The following ANKHD1 variants were observed in gnomAD, a reference collection of about 807,000 sequenced individuals.
The protein encoded by ANKHD1 is ankyrin repeat and KH domain containing 1.
In ANKHD1, 31 loss-of-function variants were observed where a neutral mutation model predicts 230.5. The observed-to-expected ratio is 0.13, with a 90% confidence interval of 0.10 to 0.18. The LOEUF (loss-of-function observed/expected upper bound fraction) is 0.18, where lower values mean the gene tolerates loss of function less well. Ranked by LOEUF, ANKHD1 falls within the 10% of genes least tolerant of loss-of-function variation. The pLI is 1.00. For missense variants in ANKHD1, 2,256 were observed against 3,071.3 expected (o/e 0.73, Z 6.27); for synonymous variants, 1,074 against 1,117.6 (o/e 0.96, Z 0.78).
At chr5:140,472,491 G>A in intron 10 of ANKHD1, 1 of 1,290,282 alleles carries the variant, frequency 7.8e-7, no homozygotes, top group Non-Finnish European at 9.9e-7. Flanking sequence ...TGTTTCCTTA[G>A]TCTTCTTTCT....
rs752380688 is a variant in ANKHD1, at chr5:140,513,499, T to G, written c.4317+20T>G. The G allele has an allele frequency of 1.4e-5, 23 of 1,608,578 alleles. No individual in the cohort carries two copies. Among genetic ancestry groups the G allele is most frequent in the Non-Finnish European group, 1.8e-5 (21 of 1,177,426 alleles). On this transcript the variant is annotated intron_variant, in intron 24 of 33. Coordinates refer to ENST00000360839, the MANE Select transcript of ANKHD1 (RefSeq NM_017747.3). Reference sequence around the variant, plus strand: ...GAAAAGGTGAGTGGGAAAAATAATTTTCCTTTTTAGAAATTATTGAGGGTG... The same window carrying G: ...GAAAAGGTGAGTGGGAAAAATAATTGTCCTTTTTAGAAATTATTGAGGGTG...
At chr5:140,512,733 C>T (rs1752824585) in intron 22 of ANKHD1, 95 bp from the exon 23 acceptor site, 1 of 1,159,568 alleles carries the variant, frequency 8.6e-7, no homozygotes, top group Non-Finnish European at 1.2e-6. Context: ...TCAAGGGATT[C>T]CTTTGTAATT....
chr5:140,476,780 CATATT>C (rs1561779094), intron 10 of ANKHD1, among the ~76,000 whole-genome samples: 1 of 152,058 alleles, frequency 6.6e-6, no homozygotes, highest in Non-Finnish European at 1.5e-5. Flanking sequence ...ATTGATAAAA[CATATT>C]ATAAATACAA....
intron 10 of ANKHD1, chr5:140,472,305 G>A (rs1473091456): frequency 6.2e-7 from 1 of 1,613,258 alleles, no homozygotes; most frequent in African/African-American, 1.3e-5. Context: ...GGTGAGGGTG[G>A]CCTTTGATGC....
intron 1 of ANKHD1, among the ~76,000 whole-genome samples, chr5:140,433,061 C>G (rs920007923): frequency 1.3e-5 from 2 of 151,082 alleles, no homozygotes; most frequent in Non-Finnish European, 2.9e-5. Context: ...CCTTCCCCCC[C>G]CCAAAAAAAA....
At chr5:140,417,205 A>G (rs752133395) in intron 1 of ANKHD1, among the ~76,000 whole-genome samples, 25 of 151,966 alleles carry the variant, frequency 1.6e-4, no homozygotes, top group Non-Finnish European at 2.9e-4. Flanking sequence ...TCGTATATTG[A>G]TTAAATGCTA....
At chr5:140,431,274 G>C (rs1773024688) in intron 1 of ANKHD1, among the ~76,000 whole-genome samples, 1 of 152,086 alleles carries the variant, frequency 6.6e-6, no homozygotes, top group Admixed American at 6.5e-5. Flanking sequence ...TTTCCCACAA[G>C]TATTGTGGAT....
chr5:140,418,086 C>T (rs1771557499), intron 1 of ANKHD1, among the ~76,000 whole-genome samples: 2 of 151,734 alleles, frequency 1.3e-5, no homozygotes, highest in African/African-American at 4.8e-5. Flanking sequence ...AGGCGATCTG[C>T]CCTCCTCGGC....
intron 1 of ANKHD1, among the ~76,000 whole-genome samples, chr5:140,402,704 TTGCCTTC>T (rs1770065098): frequency 6.6e-6 from 1 of 152,192 alleles, no homozygotes; most frequent in Non-Finnish European, 1.5e-5. Context: ...ATACGTTTAT[TTGCCTTC>T]TGCCTTGTGT....
intron 10 of ANKHD1, among the ~76,000 whole-genome samples, chr5:140,467,397 C>T (rs866489164): frequency 1.3e-5 from 2 of 151,968 alleles, no homozygotes; most frequent in African/African-American, 4.8e-5. Context: ...AATATTATTT[C>T]TTTTCCTCAT....
At chr5:140,536,003 A>G (rs548166002) in intron 30 of ANKHD1, 3 of 151,996 alleles carry the variant, frequency 2.0e-5, no homozygotes, top group Admixed American at 1.3e-4. Flanking sequence ...ATTTTTGTAT[A>G]TGGTCAGTTT....
intron 1 of ANKHD1, among the ~76,000 whole-genome samples, chr5:140,407,803 A>ATTTTTGTCGTAAGAATGAATGTGTG (rs1355681337): frequency 4.1e-4 from 63 of 152,262 alleles, no homozygotes; most frequent in Non-Finnish European, 8.1e-4. Flanking sequence ...ATGGTTTTCA[A>ATTTTTGTCGTAAGAATGAATGTGTG]TTTTTGTCGT....
intron 25 of ANKHD1, among the ~76,000 whole-genome samples, chr5:140,524,719 A>C (rs886733744): frequency 6.6e-5 from 10 of 152,158 alleles, no homozygotes; most frequent in Admixed American, 1.3e-4. Context: ...ATTTTGTTCT[A>C]CTTGGATTCT....
At position 140,497,067 on chromosome 5, in the gene ANKHD1, A is replaced by C. The variant is rs1316613422; in HGVS notation, c.2793A>C (p.Ser931=). 1 of 1,614,216 alleles carries C rather than the reference A, an allele frequency of 6.2e-7. No homozygotes were observed. The highest frequency in any genetic ancestry group is 8.5e-7 in the Non-Finnish European group (1 of 1,180,026). Residue 931 remains serine, a synonymous_variant, in exon 15 of 34, where the codon TCA becomes TCC. Transcript: ENST00000360839. ...ATTTTGTCCCAGTCCAGCCTTTATC[A>C]TCTCCACAGTGTAACTTTTCCAGTG... ...QIDFVPVQPL[S]SPQCNFSSDL...
chr5:140,470,611 C>CTTTTTTTTTTTTTTTTTTTTTTTTGT (rs386405120), intron 10 of ANKHD1, among the ~76,000 whole-genome samples: 1 of 71,770 alleles, frequency 1.4e-5, no homozygotes, highest in Admixed American at 2.0e-4. Context: ...CTTGTTTCTG[C>CTTTTTTTTTTTTTTTTTTTTTTTTGT]TTTTTTTTTT....
At chr5:140,518,467 C>T (rs1753153967) in intron 24 of ANKHD1, among the ~76,000 whole-genome samples, 1 of 150,518 alleles carries the variant, frequency 6.6e-6, no homozygotes, top group South Asian at 2.1e-4. Context: ...ATACCAAAGC[C>T]GGGCAGAGAC....
chr5:140,466,195 C>T (rs1776071115), intron 10 of ANKHD1, among the ~76,000 whole-genome samples: 1 of 151,806 alleles, frequency 6.6e-6, no homozygotes, highest in South Asian at 2.1e-4. Flanking sequence ...TGTTAAAGAC[C>T]AGCCGGACTA....
intron 25 of ANKHD1, chr5:140,524,959 A>G: frequency 5.6e-6 from 2 of 354,908 alleles, no homozygotes; most frequent in Non-Finnish European, 1.1e-5. Context: ...AAAATTACAA[A>G]ATTAGCCTGG....
At chr5:140,501,761 TCA>T (rs949515366) in intron 15 of ANKHD1, among the ~76,000 whole-genome samples, 1 of 150,504 alleles carries the variant, frequency 6.6e-6, no homozygotes, top group African/African-American at 2.4e-5. Context: ...AAAAAAAAAC[TCA>T]CAACATATTT....
Sources: allele counts gnomAD v4.1 joint callset (sites outside exome capture counted in the v4.1 genomes callset), GRCh38; gene constraint gnomAD v4.1.1; transcripts MANE v1.5; gene names NCBI Gene and HGNC (gene_info 2026-07-23, HGNC 2026-07-21).